ANO1: variants seen among roughly 807,000 people sequenced by gnomAD.
The protein encoded by ANO1 is anoctamin-1.
Under a neutral mutation model 124.0 loss-of-function variants are expected in ANO1, and 59 were observed. The observed-to-expected ratio is 0.48, with a 90% CI of 0.39 to 0.59. The LOEUF (loss-of-function observed/expected upper bound fraction) is 0.59, where lower values mean the gene tolerates loss of function less well. ANO1 is among the 20% of genes least tolerant of loss of function. The probability of loss-of-function intolerance (pLI) is 0.00; values close to 1 mark genes in which losing one functional copy is unlikely to be tolerated. For missense variants in ANO1, 1,059 were observed against 1,328.0 expected (o/e 0.80, Z 3.15); for synonymous variants, 529 against 532.0 (o/e 0.99, Z 0.08).
intron 11 of ANO1, among the ~76,000 whole-genome samples, chr11:70,143,957 A>G (rs1004137717): frequency 4.0e-5 from 6 of 151,852 alleles, no homozygotes. Flanking sequence ...TCAAAGGGAA[A>G]CCCTATCCCC....
chr11:69,966,530 A>G, the ANO1 span, among the ~76,000 whole-genome samples: 20 of 152,330 alleles, frequency 1.3e-4, no homozygotes, highest in African/African-American at 4.8e-4. Context: ...TGGCCCTGGC[A>G]TTCGGACCTG....
At chr11:70,042,091 C>T (rs1043946241) in intron 1 of ANO1, among the ~76,000 whole-genome samples, 1 of 148,308 alleles carries the variant, frequency 6.7e-6, no homozygotes, top group Non-Finnish European at 1.5e-5. Context: ...GCTCGATGGT[C>T]GTAAGAACAC....
chr11:70,163,462 C>G, intron 19 of ANO1, 122 bp downstream of exon 19: 1 of 1,280,586 alleles, frequency 7.8e-7, no homozygotes, highest in Non-Finnish European at 1.1e-6. Flanking sequence ...AGGTTTCTTT[C>G]CTTCTTGCTG....
intron 1 of ANO1, among the ~76,000 whole-genome samples, chr11:70,024,621 C>G (rs1856860173): frequency 2.0e-5 from 3 of 152,196 alleles, no homozygotes; most frequent in Admixed American, 6.5e-5. Flanking sequence ...GTGGCCCTCT[C>G]CCCAGTTCAC....
At chr11:70,112,589 G>A (rs1344283657) in intron 7 of ANO1, among the ~76,000 whole-genome samples, 3 of 140,578 alleles carry the variant, frequency 2.1e-5, no homozygotes, top group East Asian at 2.1e-4. Context: ...ACAGAGTCTC[G>A]CTCTGTCATC....
At chr11:69,994,740 AT>A (rs1554998110) in intron 1 of ANO1, among the ~76,000 whole-genome samples, 4 of 152,176 alleles carry the variant, frequency 2.6e-5, no homozygotes. Flanking sequence ...TGCATGTTAC[AT>A]TTCCAAAGTC....
chr11:70,149,767 A>C lies in ANO1; in HGVS notation c.1316A>C (p.Asp439Ala). 1 of 1,613,668 alleles carries C rather than the reference A, an allele frequency of 6.2e-7. No individual in the cohort carries two copies. Among genetic ancestry groups the C allele is most frequent in the Non-Finnish European group, 8.5e-7 (1 of 1,179,822 alleles). The change falls in exon 12 of 26, where the codon GAC becomes GCC. Residue 439 changes from aspartate (D) to alanine (A), a missense_variant. This residue lies in a region of ANO1 where 809 missense variants were observed against 1,094.9 expected (regional missense o/e 0.74). Transcript: ENST00000355303. ...RKQMRLNYRW[D>A]LTGFEEEEEA... ...CAGATGCGACTCAACTACCGCTGGG[A>C]CCTCACGGGCTTTGAAGAGGAAGAG...
At chr11:70,094,658 C>T (rs1213770343) in intron 2 of ANO1, among the ~76,000 whole-genome samples, 1 of 152,206 alleles carries the variant, frequency 6.6e-6, no homozygotes, top group Non-Finnish European at 1.5e-5. Context: ...AGAGACTCTG[C>T]ACTAAAACTT....
At position 70,163,296 on chromosome 11, in the gene ANO1, C is replaced by A. The variant is rs1427281176; in HGVS notation, c.1906C>A (p.Pro636Thr). ...CCATCGTTTCAGGTTTGTTGGACGC[C>A]CGGGCGACTACGTGTACATTTTCCG... ...AFFKGRFVGR[P>T]GDYVYIFRSF... The change falls in exon 19 of 26, where the codon CCG (proline) becomes ACG (threonine). Residue 636 changes from proline (P) to threonine (T), a missense_variant. This residue lies in a region of ANO1 where 809 missense variants were observed against 1,094.9 expected (regional missense o/e 0.74). Coordinates refer to ENST00000355303, the MANE Select transcript of ANO1 (RefSeq NM_018043.7). 1 of 1,613,752 alleles carries A rather than the reference C, an allele frequency of 6.2e-7. No individual in the cohort carries two copies.
At chr11:70,164,178 C>T (rs1289534618) in intron 19 of ANO1, among the ~76,000 whole-genome samples, 1 of 152,202 alleles carries the variant, frequency 6.6e-6, no homozygotes, top group Non-Finnish European at 1.5e-5. Flanking sequence ...TCAGACCAAG[C>T]CGGGGCTTCA....
At chr11:70,153,395 A>G (rs3781662) in intron 14 of ANO1, among the ~76,000 whole-genome samples, 104,816 of 152,206 alleles carry the variant, frequency 0.69, 36,235 homozygotes, top group East Asian at 0.77. Context: ...TAGTTTGTCA[A>G]ACTTCCTCTA....
intron 14 of ANO1, among the ~76,000 whole-genome samples, chr11:70,154,484 T>TTTTTA (rs1279699341): frequency 6.8e-6 from 1 of 147,470 alleles, no homozygotes; most frequent in Non-Finnish European, 1.5e-5. Flanking sequence ...TTTTTTTTTT[T>TTTTTA]GAGAGGGAGT....
chr11:70,092,017 G>A (rs7103526), intron 2 of ANO1, among the ~76,000 whole-genome samples: 1 of 152,328 alleles, frequency 6.6e-6, no homozygotes, highest in East Asian at 1.9e-4. Flanking sequence ...GAGGTGAGAA[G>A]TGCACAATCA....
chr11:70,165,424 C>G (rs370094605), intron 19 of ANO1, 46 bp from the exon 20 acceptor site: 19 of 1,520,724 alleles, frequency 1.2e-5, no homozygotes, highest in Non-Finnish European at 1.7e-5. Context: ...TGGGGTCCCT[C>G]TCTCGGTGTC....
chr11:70,050,355 G>A (rs1463263304), intron 1 of ANO1, among the ~76,000 whole-genome samples: 1 of 152,158 alleles, frequency 6.6e-6, no homozygotes. Context: ...CCGCCCCACA[G>A]TACAGGTGCA....
chr11:69,991,867 C>T (rs1290760620), intron 1 of ANO1, among the ~76,000 whole-genome samples: 5 of 152,192 alleles, frequency 3.3e-5, no homozygotes, highest in African/African-American at 1.2e-4. Flanking sequence ...TAGAAGGGTT[C>T]TAATTCTGGC....
chr11:70,153,912 C>T (rs928286219), intron 14 of ANO1, among the ~76,000 whole-genome samples: 3 of 151,964 alleles, frequency 2.0e-5, no homozygotes, highest in Non-Finnish European at 2.9e-5. Context: ...ACTACAGGCG[C>T]GTACCACCGT....
chr11:70,157,896 C>T (rs1314084357), intron 16 of ANO1, among the ~76,000 whole-genome samples: 3 of 146,838 alleles, frequency 2.0e-5, no homozygotes, highest in Non-Finnish European at 4.4e-5. Context: ...GGGAGAATTG[C>T]TGGAGACTGA....
At chr11:70,089,613 T>A (rs569288859) in intron 2 of ANO1, among the ~76,000 whole-genome samples, 1 of 152,088 alleles carries the variant, frequency 6.6e-6, no homozygotes, top group African/African-American at 2.4e-5. Context: ...CTCTGGAGTT[T>A]TGAGGGCAGG....
Sources: gnomAD v4.1 joint callset for allele counts (sites outside exome capture counted in the v4.1 genomes callset) on GRCh38, gnomAD v4.1.1 for gene constraint, gnomAD v4.1.1 regional missense constraint, MANE v1.5 for transcripts, NCBI Gene and HGNC (gene_info 2026-07-23, HGNC 2026-07-21) for gene names.